The following MBTD1 variants were observed in gnomAD, a reference collection of about 807,000 sequenced individuals.
The protein encoded by MBTD1 is mbt domain containing 1, also known as MBT domain-containing protein 1.
In MBTD1, 24 loss-of-function variants were observed where a neutral mutation model predicts 87.8. That is an observed-to-expected ratio of 0.27 (90% CI 0.20 to 0.38). The LOEUF (loss-of-function observed/expected upper bound fraction) is 0.38, where lower values mean the gene tolerates loss of function less well. MBTD1 is among the 10% of genes least tolerant of loss of function. MBTD1 has a pLI of 1.00. For synonymous variants in MBTD1, 237 were observed against 248.6 expected (o/e 0.95, Z 0.44); for missense variants, 436 against 760.2 (o/e 0.57, Z 5.02).
intron 3 of MBTD1, among the ~76,000 whole-genome samples, chr17:51,222,264 T>C (rs2052946032): frequency 6.6e-6 from 1 of 152,244 alleles, no homozygotes; most frequent in African/African-American, 2.4e-5. Context: ...ATAGGATTAC[T>C]AGGCTGGTAT....
intron 16 of MBTD1, chr17:51,184,797 A>G (rs2050459735): frequency 1.3e-5 from 2 of 152,228 alleles, no homozygotes; most frequent in African/African-American, 2.4e-5. Context: ...ATGCAAGACT[A>G]TTTCATAAAT....
At chr17:51,237,856 GC>G (rs1183454773) in intron 2 of MBTD1, among the ~76,000 whole-genome samples, 1 of 152,146 alleles carries the variant, frequency 6.6e-6, no homozygotes, top group Non-Finnish European at 1.5e-5. Context: ...GGTCATCATA[GC>G]CCCAAACTGG....
At chr17:51,190,925 T>A (rs2050777639) in intron 16 of MBTD1, among the ~76,000 whole-genome samples, 1 of 150,954 alleles carries the variant, frequency 6.6e-6, no homozygotes, top group Admixed American at 6.6e-5. Flanking sequence ...TACAAAAAAA[T>A]ACAAAACTTA....
intron 4 of MBTD1, among the ~76,000 whole-genome samples, chr17:51,219,824 A>G (rs1281319911): frequency 6.6e-6 from 1 of 152,242 alleles, no homozygotes; most frequent in Admixed American, 6.5e-5. Flanking sequence ...GTACATTTAA[A>G]GCAAGACGAT....
Position 51,203,123 on chromosome 17 carries a change from A to G in MBTD1, c.828+17T>C, listed in dbSNP as rs766484520. On this transcript the variant is annotated intron_variant, in intron 9 of 16. Transcript: ENST00000586178. ...TTTTTTAGAGCTCTTCAGTCTTTAT[A>G]AGATCCTGTTTTTTACCTTTTGGGA... 6.9e-6 allele frequency: 11 copies of G among 1,583,990 alleles called. No homozygotes were observed. The East Asian group carries it at 2.5e-4, about 35-fold the overall frequency.
At chr17:51,259,799 C>T (rs1177344706) in intron 1 of MBTD1, 36 bp downstream of exon 1, 6 of 1,232,640 alleles carry the variant, frequency 4.9e-6, no homozygotes, top group Admixed American at 4.2e-5. Flanking sequence ...TCCCCCCCAC[C>T]TGGCACACAA....
rs71149356 is a variant in MBTD1, at chr17:51,234,400, C to CAAAAA, written c.-48-9196_-48-9192dup. ...AGAGGAGAGACTTTGTCCCCGTCTC[C>CAAAAA]AAAAAAAAAAAAAAAAAAAAAGTAA... On this transcript the variant is annotated intron_variant, in intron 2 of 16. Transcript: ENST00000586178. Among the ~76,000 whole-genome samples, 30 of 68,676 alleles carry CAAAAA rather than the reference C, an allele frequency of 4.4e-4. 1 individual carries two copies. The highest frequency in any genetic ancestry group is 1.6e-3 in the African/African-American group (28 of 17,332). The allele number at this position is 68,676 out of a possible 152,430, so 45.1% of individuals were successfully genotyped here.
chr17:51,203,039 C>T, intron 9 of MBTD1, 101 bp downstream of exon 9: 7 of 1,263,864 alleles, frequency 5.5e-6, no homozygotes, highest in Non-Finnish European at 6.9e-6. Context: ...AAATGTAACA[C>T]AGATCATCTG....
At chr17:51,200,533 C>T (rs1264877369) in intron 12 of MBTD1, among the ~76,000 whole-genome samples, 2 of 123,812 alleles carry the variant, frequency 1.6e-5, no homozygotes, top group Non-Finnish European at 3.2e-5. Flanking sequence ...GCACTACAGC[C>T]TGGGTGACAG....
At chr17:51,181,585 AGTTC>A (rs2050316246) in intron 16 of MBTD1, among the ~76,000 whole-genome samples, 1 of 152,116 alleles carries the variant, frequency 6.6e-6, no homozygotes, top group Non-Finnish European at 1.5e-5. Context: ...GGAGCCCAGG[AGTTC>A]GAGATTACAG....
intron 2 of MBTD1, among the ~76,000 whole-genome samples, chr17:51,237,455 C>G (rs2053914705): frequency 6.6e-6 from 1 of 152,008 alleles, no homozygotes; most frequent in African/African-American, 2.4e-5. Flanking sequence ...GGGTTTGTAT[C>G]TAGAAACATA....
intron 2 of MBTD1, among the ~76,000 whole-genome samples, chr17:51,231,936 C>T (rs992070439): frequency 6.6e-5 from 10 of 151,568 alleles, no homozygotes; most frequent in African/African-American, 1.9e-4. Flanking sequence ...ATTGATTTAT[C>T]CTATGTAAAA....
rs763036687 is a variant in MBTD1 at position 51,224,997 on chromosome 17, T to G, written c.154+11A>C. The G allele has an allele frequency of 6.5e-7, 1 of 1,531,296 alleles. No homozygotes were observed. 94.9% of individuals were successfully genotyped at this position (1,531,296 alleles called of 1,614,324 possible). On this transcript the variant is annotated intron_variant, in intron 3 of 16. Transcript: ENST00000586178. ...AAAGCTGTAGAACAGGTGAAGGTTA[T>G]AAATACTCACCCATGCCAGATTTAC...
chr17:51,228,607 CAAAA>C (rs5820846), intron 2 of MBTD1, among the ~76,000 whole-genome samples: 2 of 137,722 alleles, frequency 1.5e-5, no homozygotes, highest in African/African-American at 5.3e-5. Context: ...ATAAAAAGGA[CAAAA>C]AAAAAAAAAA....
At chr17:51,247,028 T>C (rs758556840) in intron 2 of MBTD1, among the ~76,000 whole-genome samples, 6 of 152,188 alleles carry the variant, frequency 3.9e-5, no homozygotes, top group Non-Finnish European at 8.8e-5. Flanking sequence ...CTATTCTTGA[T>C]TGTGGTGTTT....
rs151125130 is a variant in MBTD1, at chr17:51,230,551, G to C, written c.-48-5342C>G. On this transcript the variant is annotated intron_variant, in intron 2 of 16. Transcript: ENST00000586178. The stretch of plus-strand genomic sequence containing the variant: ...GTCACTCAAGCAGGGGCGATTAGCT[G>C]AGATTCAGCAGTGAGGAACAATCTC... Among the ~76,000 whole-genome samples the C allele has an allele frequency of 2.0e-3, 301 of 152,298 alleles. 1 individual carries two copies. The highest frequency in any genetic ancestry group is 6.9e-3 in the African/African-American group (288 of 41,576).
At chr17:51,259,300 C>A in intron 1 of MBTD1, 94 bp from the exon 2 acceptor site, 2 of 1,226,140 alleles carry the variant, frequency 1.6e-6, no homozygotes, top group Non-Finnish European at 2.0e-6. Flanking sequence ...GCCTTGGAGG[C>A]TGCTTCCCAA....
intron 2 of MBTD1, among the ~76,000 whole-genome samples, 178 bp from the exon 3 acceptor site, chr17:51,225,387 T>C (rs2053153183): frequency 6.6e-6 from 1 of 152,004 alleles, no homozygotes; most frequent in Non-Finnish European, 1.5e-5. Flanking sequence ...AGAGTCTCGC[T>C]CTGTCACCCA....
chr17:51,210,911 C>T (rs2052160762), intron 6 of MBTD1, among the ~76,000 whole-genome samples: 1 of 150,940 alleles, frequency 6.6e-6, no homozygotes, highest in African/African-American at 2.4e-5. Context: ...CCAAGGTGGG[C>T]AGATCACTTG....
Sources: allele counts gnomAD v4.1 joint callset (sites outside exome capture counted in the v4.1 genomes callset), GRCh38; gene constraint gnomAD v4.1.1; transcripts MANE v1.5; gene names NCBI Gene and HGNC (gene_info 2026-07-23, HGNC 2026-07-21).